The following DNMT1 variants were observed in gnomAD, a reference collection of about 807,000 sequenced individuals.
DNMT1 encodes the protein DNA methyltransferase 1.
A neutral mutation model predicts 205.3 loss-of-function variants in DNMT1; 24 were observed. That is an observed-to-expected ratio of 0.12 (90% CI 0.08 to 0.16). The LOEUF (loss-of-function observed/expected upper bound fraction) is 0.16, where lower values mean the gene tolerates loss of function less well. DNMT1 is among the 10% of genes least tolerant of loss of function. The pLI is 1.00. For synonymous variants in DNMT1, 817 were observed against 839.8 expected (o/e 0.97, Z 0.47); for missense variants, 1,293 against 2,177.7 (o/e 0.59, Z 8.09).
At position 10,154,239 on chromosome 19, in the gene DNMT1, A is replaced by C; in HGVS notation, c.2019+54T>G. ...AGAAAGATGGAGCAGTCCTCAGATC[A>C]GGCCAGAGGCTGGGCCACCTTAGGG... On this transcript the variant is annotated intron_variant, in intron 22 of 40. Coordinates refer to ENST00000359526, the MANE Select transcript of DNMT1 (RefSeq NM_001130823.3). The surrounding 1 kb of genome is among the most constrained non-coding windows in gnomAD (Gnocchi z 6.3). 1.9e-6 allele frequency: 3 copies of C among 1,561,834 alleles called. No homozygotes were observed. Among genetic ancestry groups the C allele is most frequent in the Non-Finnish European group, 2.6e-6 (3 of 1,132,960 alleles).
chr19:10,178,260 AAAAAT>A (rs904766123), intron 5 of DNMT1, among the ~76,000 whole-genome samples: 3 of 151,794 alleles, frequency 2.0e-5, no homozygotes, highest in Non-Finnish European at 4.4e-5. Flanking sequence ...CATCTCAAAA[AAAAAT>A]AAAATAAAGG....
chr19:10,174,378 T>C (rs997728684), intron 7 of DNMT1, among the ~76,000 whole-genome samples: 2 of 151,804 alleles, frequency 1.3e-5, no homozygotes, highest in Non-Finnish European at 2.9e-5. Flanking sequence ...ACTGCGCCAC[T>C]GCACCCCAGC....
At chr19:10,171,102 C>T (rs1011922798) in intron 9 of DNMT1, among the ~76,000 whole-genome samples, 2 of 152,056 alleles carry the variant, frequency 1.3e-5, no homozygotes, top group South Asian at 2.1e-4. Context: ...GCCACCACAC[C>T]CGGCCCTCAG....
intron 11 of DNMT1, among the ~76,000 whole-genome samples, chr19:10,164,913 T>TAAAAAAAAAAAAAAAAAAA (rs535161745): frequency 8.8e-5 from 3 of 34,046 alleles, no homozygotes; most frequent in Non-Finnish European, 1.4e-4. Flanking sequence ...GAGACTATCT[T>TAAAAAAAAAAAAAAAAAAA]AAAAAAAAAA....
intron 1 of DNMT1, 104 bp downstream of exon 1, chr19:10,194,716 G>A: frequency 1.4e-6 from 2 of 1,428,150 alleles, no homozygotes; most frequent in Non-Finnish European, 9.3e-7. Flanking sequence ...ACGCATGCGC[G>A]CCCGTCTGTC....
chr19:10,179,490 A>C (rs1445074699), intron 5 of DNMT1, among the ~76,000 whole-genome samples: 1 of 152,032 alleles, frequency 6.6e-6, no homozygotes, highest in Non-Finnish European at 1.5e-5. Flanking sequence ...CACCTTGGCC[A>C]CCCAAAGTGC....
At chr19:10,174,330 C>T (rs2038889315) in intron 7 of DNMT1, among the ~76,000 whole-genome samples, 2 of 151,954 alleles carry the variant, frequency 1.3e-5, no homozygotes, top group South Asian at 2.1e-4. Context: ...GTGGGAGGAT[C>T]GCTTAAGCCC....
rs1327259073 is a variant in DNMT1 at position 10,151,299 on chromosome 19, G to C, written c.2265+99C>G. The stretch of plus-strand genomic sequence containing the variant: ...AAACAGACAGGTTTCTTAGTGCCGG[G>C]GCTCAGGCTGCCTGAGAGGTCAGGT... On this transcript the variant is annotated intron_variant, in intron 24 of 40. Coordinates refer to ENST00000359526, the MANE Select transcript of DNMT1 (RefSeq NM_001130823.3). The surrounding 1 kb of genome is among the most constrained non-coding windows in gnomAD (Gnocchi z 5.0). 1 of 1,546,828 alleles carries C rather than the reference G, an allele frequency of 6.5e-7. No homozygotes were observed. The highest frequency in any genetic ancestry group is 1.4e-5 in the African/African-American group (1 of 73,842).
intron 5 of DNMT1, among the ~76,000 whole-genome samples, chr19:10,179,433 C>T (rs1179640552): frequency 6.6e-6 from 1 of 151,980 alleles, no homozygotes; most frequent in African/African-American, 2.4e-5. Context: ...AGGGTTTTGC[C>T]ATGTTGGGCA....
At chr19:10,182,359 ATGTGTG>A (rs773517084) in intron 1 of DNMT1, among the ~76,000 whole-genome samples, 2 of 148,764 alleles carry the variant, frequency 1.3e-5, no homozygotes, top group Admixed American at 6.8e-5. Context: ...AATTATGTGT[ATGTGTG>A]TGTGTGTGTA....
chr19:10,155,407 G>A (rs180718725), intron 19 of DNMT1, among the ~76,000 whole-genome samples: 60 of 151,808 alleles, frequency 4.0e-4, no homozygotes, highest in African/African-American at 1.2e-3. Flanking sequence ...GCGTGATCTC[G>A]GCTCACTGCA....
chr19:10,147,731 CTGCTCCTCTGG>C (rs2038229117), intron 27 of DNMT1, among the ~76,000 whole-genome samples: 1 of 152,206 alleles, frequency 6.6e-6, no homozygotes, highest in African/African-American at 2.4e-5. Context: ...TGGTTGCCAC[CTGCTCCTCTGG>C]GGGTGCTGGC....
At chr19:10,155,494 T>G (rs1335060991) in intron 19 of DNMT1, among the ~76,000 whole-genome samples, 1 of 152,070 alleles carries the variant, frequency 6.6e-6, no homozygotes, top group African/African-American at 2.4e-5. Context: ...TGCACCACCA[T>G]GCGTGGCTAA....
chr19:10,158,672 T>C (rs1251373322), intron 17 of DNMT1, among the ~76,000 whole-genome samples: 1 of 152,076 alleles, frequency 6.6e-6, no homozygotes, highest in African/African-American at 2.4e-5. Context: ...TCGGTGAAGG[T>C]ACGGGCCGGA....
chr19:10,160,193 G>T, intron 14 of DNMT1, 130 bp from the exon 15 acceptor site: 1 of 1,558,208 alleles, frequency 6.4e-7, no homozygotes, highest in Non-Finnish European at 8.7e-7. Context: ...GTGAGGCCCA[G>T]GCGCGTGGTC....
In DNMT1 at chr19:10,141,265, A is replaced by C; in HGVS notation, c.3310-76T>G. 5 of 1,453,962 alleles carry C rather than the reference A, an allele frequency of 3.4e-6. No individual in the cohort carries two copies. In the South Asian group the frequency reaches 5.7e-5, roughly 17 times the overall value. 90.1% of individuals were successfully genotyped at this position (1,453,962 alleles called of 1,614,324 possible). ...CTCTAACGCAGACTAGTAAGAAGGCAATTTGATAGTCACTTAATTTCTCCC... is the reference window on the plus strand; with the variant it reads ...CTCTAACGCAGACTAGTAAGAAGGCCATTTGATAGTCACTTAATTTCTCCC... On this transcript the variant is annotated intron_variant, in intron 30 of 40. Coordinates refer to ENST00000359526, the MANE Select transcript of DNMT1 (RefSeq NM_001130823.3).
chr19:10,160,358 C>T (rs2241531), intron 14 of DNMT1, 26 bp downstream of exon 14: 9 of 1,613,644 alleles, frequency 5.6e-6, no homozygotes, highest in Middle Eastern at 1.6e-4. Context: ...CATCTGCTTT[C>T]GATAATGTCA....
intron 1 of DNMT1, among the ~76,000 whole-genome samples, chr19:10,189,256 A>G (rs1443926327): frequency 6.6e-6 from 1 of 151,746 alleles, no homozygotes; most frequent in African/African-American, 2.4e-5. Context: ...TGGAGCTGGG[A>G]CTATAGGCGT....
chr19:10,156,216 TA>T lies in DNMT1; in HGVS notation c.1399+174del, dbSNP rs969424538. Among the ~76,000 whole-genome samples the T allele has an allele frequency of 9.3e-5, 14 of 151,146 alleles. No individual in the cohort carries two copies. The highest frequency in any genetic ancestry group is 2.2e-4 in the African/African-American group (9 of 41,158). On this transcript the variant is annotated intron_variant, in intron 18 of 40. Transcript: ENST00000359526. The surrounding 1 kb of genome is among the most constrained non-coding windows in gnomAD (Gnocchi z 4.2). ...ATGTATACTATATATATATGCTATATATTTTTTTTTAATAGAGGCAGGCTCT... is the reference window on the plus strand; with the variant it reads ...ATGTATACTATATATATATGCTATATTTTTTTTTTAATAGAGGCAGGCTCT...
Sources: gnomAD v4.1 joint callset for allele counts (sites outside exome capture counted in the v4.1 genomes callset) on GRCh38, gnomAD v4.1.1 for gene constraint, Gnocchi (gnomAD v3.1) non-coding constraint, MANE v1.5 for transcripts, NCBI Gene and HGNC (gene_info 2026-07-23, HGNC 2026-07-21) for gene names.